Variants in UNC5C observed in about 807,000 individuals in gnomAD.
UNC5C encodes netrin receptor UNC5C.
UNC5C carries 47 observed loss-of-function variants against 99.8 expected under a neutral mutation model. That is an observed-to-expected ratio of 0.47 (90% CI 0.37 to 0.60). The LOEUF is 0.60. Ranked by LOEUF, UNC5C falls within the 20% of genes least tolerant of loss-of-function variation. The pLI, the probability that UNC5C is intolerant of heterozygous loss-of-function variation, is 0.00. For missense variants in UNC5C, 1,062 were observed against 1,165.9 expected (o/e 0.91, Z 1.30); for synonymous variants, 487 against 452.2 (o/e 1.08, Z -0.98).
intron 1 of UNC5C, among the ~76,000 whole-genome samples, chr4:95,481,522 A>G (rs183683256): frequency 0.064 from 9,686 of 152,042 alleles, 732 homozygotes; most frequent in African/African-American, 0.18. Context: ...TAAAGTTCAT[A>G]TGGAACCAAA....
chr4:95,476,990 A>G (rs553782454), intron 1 of UNC5C, among the ~76,000 whole-genome samples: 2 of 152,190 alleles, frequency 1.3e-5, no homozygotes, highest in East Asian at 3.9e-4. Flanking sequence ...CTGAATTATG[A>G]TTGTTTGTGA....
chr4:95,502,154 C>A (rs531394549), intron 1 of UNC5C, among the ~76,000 whole-genome samples: 1 of 152,074 alleles, frequency 6.6e-6, no homozygotes. Flanking sequence ...CTTTTAATGA[C>A]GAACATGTTA....
chr4:95,449,544 G>A (rs574994294), intron 1 of UNC5C, among the ~76,000 whole-genome samples: 4 of 152,256 alleles, frequency 2.6e-5, no homozygotes, highest in Admixed American at 6.5e-5. Context: ...CATGAAAAAT[G>A]TTTCCCCAGA....
At position 95,219,150 on chromosome 4, in the gene UNC5C, G is replaced by A. The variant is rs767134597; in HGVS notation, c.1464C>T (p.Val488=). Reference sequence around the variant, plus strand: ...ACTCAGAGAGGTCATCTTGGGGGGTGACAGCACCTGAGGTGTTGTACACTT... The same window carrying A: ...ACTCAGAGAGGTCATCTTGGGGGGTAACAGCACCTGAGGTGTTGTACACTT... The part of the protein sequence containing the change: ...KIKVYNTSGA[V]TPQDDLSEFT... Residue 488 remains valine, a synonymous_variant, in exon 9 of 16, where the codon GTC becomes GTT. Transcript: ENST00000453304. 6.2e-7 allele frequency: 1 copy of A among 1,614,150 alleles called. No individual in the cohort carries two copies. Among genetic ancestry groups the A allele is most frequent in the Non-Finnish European group, 8.5e-7 (1 of 1,180,024 alleles).
At chr4:95,181,452 C>G (rs908100021) in intron 14 of UNC5C, among the ~76,000 whole-genome samples, 1 of 152,114 alleles carries the variant, frequency 6.6e-6, no homozygotes, top group African/African-American at 2.4e-5. Flanking sequence ...GAACAGAAAG[C>G]AAGCATCAAA....
Position 95,301,705 on chromosome 4 carries a change from C to T in UNC5C, c.391G>A (p.Val131Met), listed in dbSNP as rs763087403. Reference sequence around the variant, plus strand: ...TCTTCAGGTCCAAAGAGTTCTTCCACTTGCTGGCGCGAAATCTCAATGCTC... The same window carrying T: ...TCTTCAGGTCCAAAGAGTTCTTCCATTTGCTGGCGCGAAATCTCAATGCTC... ...EVSIEISRQQ[V>M]EELFGPEDYW... is the part of the protein sequence containing the mutation. Residue 131 changes from valine (V) to methionine (M), a missense_variant, in exon 3 of 16, where the codon GTG (valine) becomes ATG (methionine). By Grantham distance (21) the Val-to-Met change is conservative. Coordinates refer to ENST00000453304, the MANE Select transcript of UNC5C (RefSeq NM_003728.4). 4 of 1,613,196 alleles carry T rather than the reference C, an allele frequency of 2.5e-6. No individual in the cohort carries two copies. In the African/African-American group the frequency reaches 5.3e-5, roughly 22 times the overall value.
chr4:95,185,148 G>C lies in UNC5C; in HGVS notation c.2185C>G (p.Pro729Ala). The change falls in exon 13 of 16, where the codon CCT (proline) becomes GCT (alanine). Residue 729 changes from proline (P) to alanine (A), a missense_variant. By Grantham distance (27) the Pro-to-Ala change is conservative. Around this residue, in one of 3 missense-constraint regions of UNC5C, gnomAD observed 810 missense variants for 854.5 expected, o/e 0.95. Coordinates refer to ENST00000453304, the MANE Select transcript of UNC5C (RefSeq NM_003728.4). ...CTGCCTTTAAAATGAAGAGCCTTAG[G>C]TTCTTCTAGGAGCTGTCCTCCCATC... ...RQMGGQLLEE[P>A]KALHFKGSTH... The C allele has an allele frequency of 6.2e-7, 1 of 1,613,870 alleles. No individual in the cohort carries two copies. Among genetic ancestry groups the C allele is most frequent in the Non-Finnish European group, 8.5e-7 (1 of 1,179,956 alleles).
intron 1 of UNC5C, among the ~76,000 whole-genome samples, chr4:95,544,777 A>G (rs1463633174): frequency 2.0e-5 from 3 of 152,222 alleles, no homozygotes; most frequent in African/African-American, 7.2e-5. Flanking sequence ...CTAAAAAAAT[A>G]TGTAGGCTAA....
Position 95,183,078 on chromosome 4 carries a change from T to G in UNC5C, c.2287-17A>C, listed in dbSNP as rs762138329. 5 of 1,590,120 alleles carry G rather than the reference T, an allele frequency of 3.1e-6. No individual in the cohort carries two copies. In the South Asian group the frequency reaches 5.6e-5, roughly 18 times the overall value. ...TGGAATTTCCTAAAGGATATGAAAG[T>G]GTTAACCACAATTGAAGGACTAATA... On this transcript the variant is annotated splice_polypyrimidine_tract_variant and intron_variant, in intron 13 of 15. Coordinates refer to ENST00000453304, the MANE Select transcript of UNC5C (RefSeq NM_003728.4).
chr4:95,395,796 A>C lies in UNC5C; in HGVS notation c.125-60165T>G, dbSNP rs556580631. Reference sequence around the variant, plus strand: ...GAGAAACATGACAATGTGGAATTTCATTCAAAGAACATTAAGAATTTTAAG... The same window carrying C: ...GAGAAACATGACAATGTGGAATTTCCTTCAAAGAACATTAAGAATTTTAAG... On this transcript the variant is annotated intron_variant, in intron 1 of 15. Transcript: ENST00000453304. Among the ~76,000 whole-genome samples, 18 of 152,330 alleles carry C rather than the reference A, an allele frequency of 1.2e-4. No homozygotes were observed. In the East Asian group the frequency reaches 3.1e-3, roughly 26 times the overall value.
At chr4:95,435,794 T>A (rs1488268117) in intron 1 of UNC5C, among the ~76,000 whole-genome samples, 7 of 152,084 alleles carry the variant, frequency 4.6e-5, no homozygotes, top group Non-Finnish European at 8.8e-5. Context: ...AAGTCCATAT[T>A]TATTGTAGCG....
chr4:95,443,622 G>C (rs962548325), intron 1 of UNC5C, among the ~76,000 whole-genome samples: 1 of 151,904 alleles, frequency 6.6e-6, no homozygotes. Context: ...ATTTAAAAAT[G>C]TTTTCCTTTT....
chr4:95,166,841 T>C lies in UNC5C; in HGVS notation c.*2393A>G, dbSNP rs886359571. 2 of 152,204 alleles carry C rather than the reference T, an allele frequency of 1.3e-5. No individual in the cohort carries two copies. Among genetic ancestry groups the C allele is most frequent in the African/African-American group, 4.8e-5 (2 of 41,444 alleles). 9.4% of individuals were successfully genotyped at this position (152,204 alleles called of 1,614,324 possible). On this transcript the variant is annotated 3_prime_UTR_variant, in exon 16 of 16. Transcript: ENST00000453304. ...AACTGCGTGTATATATATTTGATTT[T>C]TAATTTAGAATACAGTTTTACTCAT... is the stretch of plus-strand genomic sequence containing the variant.
chr4:95,250,399 T>A (rs1211222693), intron 5 of UNC5C, 88 bp downstream of exon 5: 1 of 1,404,290 alleles, frequency 7.1e-7, no homozygotes, highest in Admixed American at 2.2e-5. Flanking sequence ...AATATGAAAT[T>A]TTAAAAAAAG....
chr4:95,406,722 C>A (rs1745841196), intron 1 of UNC5C, among the ~76,000 whole-genome samples: 1 of 152,106 alleles, frequency 6.6e-6, no homozygotes. Context: ...ATTTATAGAG[C>A]AAATCAAAGA....
rs1207972534 is a variant in UNC5C at position 95,163,550 on chromosome 4, T to C, written c.*5684A>G. On this transcript the variant is annotated 3_prime_UTR_variant, in exon 16 of 16. Coordinates refer to ENST00000453304, the MANE Select transcript of UNC5C (RefSeq NM_003728.4). Reference sequence around the variant, plus strand: ...CCATCAGGTTCTACAGCTGGTCTGATAGTACTTAGTCCAGTAGACCTTTGG... The same window carrying C: ...CCATCAGGTTCTACAGCTGGTCTGACAGTACTTAGTCCAGTAGACCTTTGG... 6.6e-6 allele frequency: 1 copy of C among 152,230 alleles called. No homozygotes were observed. The highest frequency in any genetic ancestry group is 6.5e-5 in the Admixed American group (1 of 15,284). The allele number at this position is 152,230 out of a possible 1,614,324, so 9.4% of individuals were successfully genotyped here. A position where few individuals can be genotyped will look rare whatever the true frequency, so the allele number is the denominator to read the frequency against.
At chr4:95,246,515 A>G (rs1229851202) in intron 5 of UNC5C, among the ~76,000 whole-genome samples, 4 of 152,016 alleles carry the variant, frequency 2.6e-5, no homozygotes, top group African/African-American at 9.7e-5. Flanking sequence ...AGCTATGATC[A>G]CATCACTACA....
At chr4:95,407,796 T>C (rs1745870901) in intron 1 of UNC5C, among the ~76,000 whole-genome samples, 1 of 152,164 alleles carries the variant, frequency 6.6e-6, no homozygotes. Flanking sequence ...TATATTACTG[T>C]ATTGGGCAGC....
chr4:95,195,002 T>C (rs900664899), intron 12 of UNC5C, among the ~76,000 whole-genome samples: 1 of 152,194 alleles, frequency 6.6e-6, no homozygotes, highest in African/African-American at 2.4e-5. Context: ...ACTAAATGTC[T>C]AATCAACCAG....
Sources: gnomAD v4.1 joint callset for allele counts (sites outside exome capture counted in the v4.1 genomes callset) on GRCh38, gnomAD v4.1.1 for gene constraint, gnomAD v4.1.1 regional missense constraint, MANE v1.5 for transcripts, NCBI Gene and HGNC (gene_info 2026-07-23, HGNC 2026-07-21) for gene names.